Variants in OPCML observed in about 807,000 individuals in gnomAD.
OPCML encodes the protein opioid binding protein/cell adhesion molecule like, also known as opioid-binding protein/cell adhesion molecule.
In OPCML, 13 loss-of-function variants were observed where a neutral mutation model predicts 37.8. That is an observed-to-expected ratio of 0.34 (90% confidence interval 0.22 to 0.55). OPCML has a LOEUF of 0.55. Ranked by LOEUF, OPCML falls within the 20% of genes least tolerant of loss-of-function variation. The pLI is 0.91. For synonymous variants in OPCML, 176 were observed against 168.8 expected, an observed-to-expected ratio of 1.04 and a Z score of -0.33; for missense variants, 341 against 435.6, an observed-to-expected ratio of 0.78 and a Z score of 1.93.
rs1032018072 is a variant in OPCML, at chr11:133,205,537, C to T, written c.62-262527G>A. Among the ~76,000 whole-genome samples the T allele has an allele frequency of 1.3e-5, 2 of 152,290 alleles. No homozygotes were observed. The highest frequency in any genetic ancestry group is 2.9e-5 in the Non-Finnish European group (2 of 68,034). ...GCAGTGCTGTGGGCTGAGCCTCACC[C>T]TATGGGGACTGACGCCGTCTCCAGG... On this transcript the variant is annotated intron_variant, in intron 1 of 7. Transcript: ENST00000524381. The surrounding 1 kb of genome is among the most constrained non-coding windows in gnomAD (Gnocchi z 4.8).
intron 4 of OPCML, among the ~76,000 whole-genome samples, chr11:132,523,095 T>A (rs762647737): frequency 2.0e-5 from 3 of 152,178 alleles, no homozygotes; most frequent in Non-Finnish European, 2.9e-5. Flanking sequence ...GTTGTAGAGA[T>A]GGGGTTTCAC....
chr11:132,786,657 T>C (rs1365770708), intron 2 of OPCML, among the ~76,000 whole-genome samples: 4 of 152,120 alleles, frequency 2.6e-5, no homozygotes, highest in Non-Finnish European at 5.9e-5. Context: ...TAGATTTAGA[T>C]TGCTATAGTT....
intron 1 of OPCML, among the ~76,000 whole-genome samples, chr11:133,029,311 A>T (rs966984008): frequency 6.6e-6 from 1 of 152,226 alleles, no homozygotes; most frequent in Non-Finnish European, 1.5e-5. Context: ...AGTAGTTTGG[A>T]GATTTCTCAC....
chr11:133,007,350 T>C (rs1248111693), intron 1 of OPCML: 1 of 985,472 alleles, frequency 1.0e-6, no homozygotes, highest in Non-Finnish European at 1.2e-6. Context: ...TAACCTCCCT[T>C]ATCTGTGTGA....
chr11:133,320,687 C>T (rs1012685612), intron 1 of OPCML, among the ~76,000 whole-genome samples: 4 of 152,204 alleles, frequency 2.6e-5, no homozygotes, highest in African/African-American at 7.2e-5. Flanking sequence ...AAATTATGCT[C>T]TTCTCTGGAA....
chr11:132,745,672 C>T (rs1446422357), intron 2 of OPCML, among the ~76,000 whole-genome samples: 1 of 152,032 alleles, frequency 6.6e-6, no homozygotes, highest in Admixed American at 6.5e-5. Context: ...TTCCCAACCA[C>T]TTCCCTGGCT....
intron 2 of OPCML, among the ~76,000 whole-genome samples, chr11:132,716,866 GAGA>G (rs1170838816): frequency 2.0e-5 from 3 of 152,108 alleles, no homozygotes; most frequent in Non-Finnish European, 4.4e-5. Flanking sequence ...CAAGATAAGA[GAGA>G]AGAAGAGTTC....
intron 3 of OPCML, among the ~76,000 whole-genome samples, chr11:132,531,030 G>C (rs557363973): frequency 2.0e-5 from 3 of 152,212 alleles, no homozygotes; most frequent in African/African-American, 4.8e-5. Context: ...TCTCAGGAAG[G>C]GTATTGAACA....
chr11:133,378,315 G>C (rs1451015516), intron 1 of OPCML, among the ~76,000 whole-genome samples: 1 of 152,192 alleles, frequency 6.6e-6, no homozygotes, highest in Non-Finnish European at 1.5e-5. Context: ...TGAGGAAGCA[G>C]TGAAATTACC....
At chr11:133,006,730 T>C (rs574310803) in intron 1 of OPCML, 1 of 985,470 alleles carries the variant, frequency 1.0e-6, no homozygotes, top group South Asian at 4.7e-5. Flanking sequence ...CTTTCTGCAC[T>C]GTGAGGTGTG....
chr11:133,132,683 A>T (rs1949623757), intron 1 of OPCML, among the ~76,000 whole-genome samples: 1 of 152,194 alleles, frequency 6.6e-6, no homozygotes, highest in African/African-American at 2.4e-5. Flanking sequence ...ATGAAAAGAA[A>T]GGACATATTG....
In OPCML at chr11:132,440,349, A is replaced by T. The variant is rs530826505; in HGVS notation, c.506-2990T>A. 8.3e-3 allele frequency among the ~76,000 whole-genome samples: 1,225 copies of T among 146,854 alleles called. 8 individuals are homozygous for T. Among genetic ancestry groups the T allele is most frequent in the Middle Eastern group, 0.045 (13 of 288 alleles). On this transcript the variant is annotated intron_variant, in intron 4 of 7. Transcript: ENST00000524381. ...ATTCTTTAGAGTTTTTTTTTTTTTT[A>T]AATATAGATTCTGATCCAGTAGGTC... is the stretch of plus-strand genomic sequence containing the variant.
At chr11:132,422,829 C>A (rs1183292548) in intron 7 of OPCML, among the ~76,000 whole-genome samples, 1 of 152,182 alleles carries the variant, frequency 6.6e-6, no homozygotes, top group African/African-American at 2.4e-5. Context: ...AGAAAATGAC[C>A]ATTTGTGCAG....
At chr11:132,731,662 C>A (rs886844499) in intron 2 of OPCML, among the ~76,000 whole-genome samples, 2 of 152,152 alleles carry the variant, frequency 1.3e-5, no homozygotes, top group African/African-American at 4.8e-5. Context: ...AGAGGGGCAT[C>A]TAACTATGAT....
chr11:133,204,664 C>G (rs565830650), intron 1 of OPCML, among the ~76,000 whole-genome samples: 38 of 151,780 alleles, frequency 2.5e-4, no homozygotes, highest in African/African-American at 8.2e-4. Flanking sequence ...ACAAACACCC[C>G]CTAAAGAGCA....
intron 1 of OPCML, among the ~76,000 whole-genome samples, chr11:133,114,130 C>T (rs1949296430): frequency 6.6e-6 from 1 of 152,170 alleles, no homozygotes; most frequent in African/African-American, 2.4e-5. Context: ...TCTTGTTGCT[C>T]ACAGAAATCT....
chr11:132,988,701 C>T (rs993635047), intron 1 of OPCML, among the ~76,000 whole-genome samples: 3 of 152,066 alleles, frequency 2.0e-5, no homozygotes, highest in Non-Finnish European at 2.9e-5. Flanking sequence ...AGATTAAAGG[C>T]GATGAGGTGA....
intron 1 of OPCML, among the ~76,000 whole-genome samples, chr11:133,236,864 C>A (rs1368372233): frequency 2.0e-5 from 3 of 150,442 alleles, no homozygotes; most frequent in Non-Finnish European, 4.4e-5. Flanking sequence ...AGGTCCCATT[C>A]CAGCTAGTGG....
intron 2 of OPCML, among the ~76,000 whole-genome samples, chr11:132,901,622 A>G (rs972791341): frequency 1.3e-5 from 2 of 152,110 alleles, no homozygotes; most frequent in African/African-American, 4.8e-5. Flanking sequence ...CCCCACTAAC[A>G]TGTCACACTG....
Sources: allele counts gnomAD v4.1 joint callset (sites outside exome capture counted in the v4.1 genomes callset), GRCh38; gene constraint gnomAD v4.1.1; non-coding constraint Gnocchi (gnomAD v3.1); transcripts MANE v1.5; gene names NCBI Gene and HGNC (gene_info 2026-07-23, HGNC 2026-07-21).